INPP4B: variants seen among roughly 807,000 people sequenced by gnomAD.
INPP4B encodes inositol polyphosphate-4-phosphatase type II B, also known as inositol polyphosphate 4-phosphatase type II.
INPP4B carries 55 observed loss-of-function variants against 122.5 expected under a neutral mutation model. That is an observed-to-expected ratio of 0.45 (90% CI 0.36 to 0.56). The LOEUF (loss-of-function observed/expected upper bound fraction) is 0.56. Ranked by LOEUF, INPP4B falls within the 20% of genes least tolerant of loss-of-function variation. The probability of loss-of-function intolerance (pLI) is 0.00; values close to 1 mark genes in which losing one functional copy is unlikely to be tolerated. For missense variants in INPP4B, 1,000 were observed against 1,097.7 expected (o/e 0.91, Z 1.26); for synonymous variants, 403 against 388.7 (o/e 1.04, Z -0.43).
chr4:142,653,495 A>G (rs953161514), intron 2 of INPP4B, among the ~76,000 whole-genome samples: 5 of 152,200 alleles, frequency 3.3e-5, no homozygotes, highest in Non-Finnish European at 7.3e-5. Flanking sequence ...GCTAATATCC[A>G]GAATCTACAA....
At chr4:142,375,708 T>C (rs1186718948) in intron 7 of INPP4B, among the ~76,000 whole-genome samples, 1 of 151,946 alleles carries the variant, frequency 6.6e-6, no homozygotes, top group Non-Finnish European at 1.5e-5. Flanking sequence ...AAAGCAAACA[T>C]AAGGCCTTAG....
intron 9 of INPP4B, among the ~76,000 whole-genome samples, chr4:142,277,140 G>A (rs887901064): frequency 6.8e-6 from 1 of 147,750 alleles, no homozygotes; most frequent in Non-Finnish European, 1.5e-5. Flanking sequence ...TTAGAGAATT[G>A]TCTATTCATG....
chr4:142,632,625 T>C (rs1229060358), intron 2 of INPP4B, among the ~76,000 whole-genome samples: 4 of 151,916 alleles, frequency 2.6e-5, no homozygotes, highest in African/African-American at 9.7e-5. Flanking sequence ...AAAATACAAA[T>C]AATAACTTTT....
chr4:142,044,277 A>T (rs1750024454), intron 25 of INPP4B, among the ~76,000 whole-genome samples: 1 of 152,130 alleles, frequency 6.6e-6, no homozygotes, highest in Non-Finnish European at 1.5e-5. Context: ...CCACGTAGAG[A>T]ATACATCACA....
intron 3 of INPP4B, among the ~76,000 whole-genome samples, chr4:142,454,335 A>G (rs1217823875): frequency 6.6e-6 from 1 of 152,080 alleles, no homozygotes; most frequent in East Asian, 1.9e-4. Context: ...GTAATTAGTT[A>G]GCATAACCAA....
intron 14 of INPP4B, among the ~76,000 whole-genome samples, chr4:142,200,123 CTATTAA>C (rs1442056913): frequency 6.6e-6 from 1 of 151,922 alleles, no homozygotes; most frequent in Non-Finnish European, 1.5e-5. Flanking sequence ...ATTCAGTCAT[CTATTAA>C]TATTAATATA....
chr4:142,109,990 A>G (rs1323284967), intron 22 of INPP4B, among the ~76,000 whole-genome samples: 1 of 152,128 alleles, frequency 6.6e-6, no homozygotes, highest in Non-Finnish European at 1.5e-5. Flanking sequence ...TAGAATCTGA[A>G]ATATATTCTT....
intron 2 of INPP4B, among the ~76,000 whole-genome samples, chr4:142,594,095 CT>C (rs1738146144): frequency 6.6e-6 from 1 of 152,134 alleles, no homozygotes; most frequent in South Asian, 2.1e-4. Flanking sequence ...TTCATGTTTT[CT>C]AATTTGTAAC....
chr4:142,591,681 T>A (rs1411352633), intron 2 of INPP4B, among the ~76,000 whole-genome samples: 1 of 152,156 alleles, frequency 6.6e-6, no homozygotes, highest in East Asian at 1.9e-4. Context: ...CTTATCCAAG[T>A]GATCCACATG....
chr4:142,193,221 G>C (rs2149360007), intron 14 of INPP4B, 26 bp from the exon 15 acceptor site: 1 of 1,361,284 alleles, frequency 7.3e-7, no homozygotes, highest in African/African-American at 1.4e-5. Context: ...ACAAGGAGAT[G>C]AACACTTTGC....
intron 2 of INPP4B, among the ~76,000 whole-genome samples, chr4:142,511,759 A>G (rs1384980095): frequency 6.6e-6 from 1 of 152,176 alleles, no homozygotes; most frequent in Non-Finnish European, 1.5e-5. Context: ...GCTTTAAAAA[A>G]TAGAAGTCTT....
At position 142,193,030 on chromosome 4, in the gene INPP4B, T is replaced by C. The variant is rs1000370270; in HGVS notation, c.1181+57A>G. ...GGACCAATCACCTTGTATATAGACT[T>C]CCCCAAAGGGGAGATGTTATTAATG... On this transcript the variant is annotated intron_variant, in intron 15 of 25. Coordinates refer to ENST00000262992, the MANE Select transcript of INPP4B (RefSeq NM_001101669.3). The C allele has an allele frequency of 3.8e-6, 4 of 1,040,988 alleles. No individual in the cohort carries two copies. In the African/African-American group the frequency reaches 4.7e-5, roughly 12 times the overall value. The allele number at this position is 1,040,988 out of a possible 1,614,324, so 64.5% of individuals were successfully genotyped here. A position where few individuals can be genotyped will look rare whatever the true frequency, so the allele number is the denominator to read the frequency against.
intron 7 of INPP4B, among the ~76,000 whole-genome samples, chr4:142,322,305 T>C (rs1357007837): frequency 6.6e-6 from 1 of 152,314 alleles, no homozygotes. Flanking sequence ...CTAGGCAATA[T>C]GAAAATTATA....
At chr4:142,469,389 G>A (rs1037609139) in intron 2 of INPP4B, among the ~76,000 whole-genome samples, 9 of 151,984 alleles carry the variant, frequency 5.9e-5, no homozygotes, top group Non-Finnish European at 1.2e-4. Context: ...ACTGTAACAC[G>A]TGTAAGTGGG....
At chr4:142,510,233 A>C (rs1580245766) in intron 2 of INPP4B, among the ~76,000 whole-genome samples, 1 of 152,184 alleles carries the variant, frequency 6.6e-6, no homozygotes, top group East Asian at 1.9e-4. Context: ...TACTTACACA[A>C]TAATAACTGA....
At chr4:142,048,783 A>C (rs1164102201) in intron 25 of INPP4B, among the ~76,000 whole-genome samples, 1 of 152,070 alleles carries the variant, frequency 6.6e-6, no homozygotes, top group African/African-American at 2.4e-5. Context: ...TTAAAATATT[A>C]GCTTGAAAAT....
At chr4:142,398,862 G>C (rs888050224) in intron 7 of INPP4B, among the ~76,000 whole-genome samples, 1 of 152,038 alleles carries the variant, frequency 6.6e-6, no homozygotes, top group African/African-American at 2.4e-5. Flanking sequence ...GAAACGCTCG[G>C]TGTCTACTGG....
At chr4:142,762,453 C>T (rs1309692902) in intron 1 of INPP4B, among the ~76,000 whole-genome samples, 1 of 152,094 alleles carries the variant, frequency 6.6e-6, no homozygotes, top group Non-Finnish European at 1.5e-5. Flanking sequence ...GGTGAGCTTA[C>T]TCAAGAGTAA....
chr4:142,180,119 T>C (rs533158033), intron 15 of INPP4B, among the ~76,000 whole-genome samples: 10 of 152,290 alleles, frequency 6.6e-5, no homozygotes, highest in African/African-American at 1.4e-4. Flanking sequence ...AGAGACTTTT[T>C]TGGGGTGACA....
Sources: allele counts gnomAD v4.1 joint callset (sites outside exome capture counted in the v4.1 genomes callset), GRCh38; gene constraint gnomAD v4.1.1; transcripts MANE v1.5; gene names NCBI Gene and HGNC (gene_info 2026-07-23, HGNC 2026-07-21).